FLT3: variants seen among roughly 807,000 people sequenced by gnomAD.
FLT3 encodes fms related receptor tyrosine kinase 3.
FLT3 carries 46 observed loss-of-function variants against 126.6 expected under a neutral mutation model. That is an observed-to-expected ratio of 0.36 (90% CI 0.29 to 0.46). FLT3 has a LOEUF of 0.46. Ranked by LOEUF, FLT3 falls within the 20% of genes least tolerant of loss-of-function variation. The probability of loss-of-function intolerance (pLI) is 1.00; values close to 1 mark genes in which losing one functional copy is unlikely to be tolerated. For missense variants in FLT3, 1,069 were observed against 1,190.3 expected (o/e 0.90, Z 1.50); for synonymous variants, 404 against 434.4 (o/e 0.93, Z 0.87).
In FLT3 at chr13:28,005,450, G is replaced by C. The variant is rs139594294; in HGVS notation, c.2860-1276C>G. Among the ~76,000 whole-genome samples the C allele has an allele frequency of 2.0e-5, 3 of 152,226 alleles. No individual in the cohort carries two copies. The East Asian group carries it at 5.8e-4, about 29-fold the overall frequency. Reference sequence around the variant, plus strand: ...ATATTCTATTTTGGAACCTTATTTTGAATTATCAATATATTGTTATTATAC... The same window carrying C: ...ATATTCTATTTTGGAACCTTATTTTCAATTATCAATATATTGTTATTATAC... On this transcript the variant is annotated intron_variant, in intron 23 of 23. Coordinates refer to ENST00000241453, the MANE Select transcript of FLT3 (RefSeq NM_004119.3).
intron 3 of FLT3, among the ~76,000 whole-genome samples, 185 bp from the exon 4 acceptor site, chr13:28,057,647 T>C (rs918341545): frequency 6.6e-6 from 1 of 152,126 alleles, no homozygotes; most frequent in Admixed American, 6.5e-5. Flanking sequence ...CGTTGAACCC[T>C]GACTTTTAAC....
chr13:28,100,450 G>A lies in FLT3; in HGVS notation c.43+18C>T, dbSNP rs1879757210. The A allele has an allele frequency of 8.2e-7, 1 of 1,216,922 alleles. No homozygotes were observed. The allele number at this position is 1,216,922 out of a possible 1,614,324, so 75.4% of individuals were successfully genotyped here. A position where few individuals can be genotyped will look rare whatever the true frequency, so the allele number is the denominator to read the frequency against. Reference sequence around the variant, plus strand: ...TGAGGGACCGCGAGGGGCTGCGAGCGAGCGAGCGGGGCCTTACCGAGCAGC... The same window carrying A: ...TGAGGGACCGCGAGGGGCTGCGAGCAAGCGAGCGGGGCCTTACCGAGCAGC... On this transcript the variant is annotated intron_variant, in intron 1 of 23. Transcript: ENST00000241453. This position sits in a 1 kb window ranked among gnomAD's most constrained non-coding sequence, Gnocchi z 4.8.
intron 9 of FLT3, among the ~76,000 whole-genome samples, chr13:28,039,850 A>C (rs1874187302): frequency 6.6e-6 from 1 of 151,994 alleles, no homozygotes; most frequent in Admixed American, 6.6e-5. Flanking sequence ...ACCTAGCCTT[A>C]ATTTTATTTT....
At chr13:28,078,553 C>G (rs1878110817) in intron 1 of FLT3, among the ~76,000 whole-genome samples, 1 of 152,114 alleles carries the variant, frequency 6.6e-6, no homozygotes, top group African/African-American at 2.4e-5. Flanking sequence ...CTTTTTTCTC[C>G]TGGGCCTCTG....
chr13:28,023,420 A>G lies in FLT3; in HGVS notation c.2348T>C (p.Leu783Pro). Reference protein sequence around the residue: ...RLEEEEDLNVLTFEDLLCFAY... With the variant: ...RLEEEEDLNVPTFEDLLCFAY... ...AAAGCAAAGAAGATCTTCAAATGTAAGCACATTCAAGTCCTCCTCTTCTTC... is the reference window on the plus strand; with the variant it reads ...AAAGCAAAGAAGATCTTCAAATGTAGGCACATTCAAGTCCTCCTCTTCTTC... Residue 783 changes from leucine (L) to proline (P), a missense_variant, in exon 19 of 24, where the codon CTT becomes CCT. Leu to Pro is a moderately conservative substitution (Grantham distance 98). Transcript: ENST00000241453. The G allele has an allele frequency of 1.2e-6, 2 of 1,613,776 alleles. No homozygotes were observed. Among genetic ancestry groups the G allele is most frequent in the South Asian group, 2.2e-5 (2 of 91,052 alleles).
Position 28,100,433 on chromosome 13 carries a change from C to G in FLT3, c.43+35G>C, listed in dbSNP as rs928190511. 3 of 1,212,072 alleles carry G rather than the reference C, an allele frequency of 2.5e-6. No homozygotes were observed. The highest frequency in any genetic ancestry group is 1.6e-5 in the African/African-American group (1 of 63,526). 75.1% of individuals were successfully genotyped at this position (1,212,072 alleles called of 1,614,324 possible). A position where few individuals can be genotyped will look rare whatever the true frequency, so the allele number is the denominator to read the frequency against. On this transcript the variant is annotated intron_variant, in intron 1 of 23. Coordinates refer to ENST00000241453, the MANE Select transcript of FLT3 (RefSeq NM_004119.3). This position sits in a 1 kb window ranked among gnomAD's most constrained non-coding sequence, Gnocchi z 4.8. ...CACTGCGGGGTGGGGGCTGAGGGACCGCGAGGGGCTGCGAGCGAGCGAGCG... is the reference window on the plus strand; with the variant it reads ...CACTGCGGGGTGGGGGCTGAGGGACGGCGAGGGGCTGCGAGCGAGCGAGCG...
intron 1 of FLT3, among the ~76,000 whole-genome samples, chr13:28,074,532 T>C (rs9513027): frequency 0.71 from 107,763 of 152,116 alleles, 40,023 homozygotes; most frequent in East Asian, 0.95. Flanking sequence ...CCACTCGCAG[T>C]GTATGGAATT....
At chr13:28,086,377 G>A (rs543191529) in intron 1 of FLT3, among the ~76,000 whole-genome samples, 6 of 151,922 alleles carry the variant, frequency 3.9e-5, no homozygotes, top group African/African-American at 1.2e-4. Context: ...GCATATTTCC[G>A]TTTCATTTCT....
In FLT3 at chr13:28,042,146, AAATAATAATAATAATAATAAT is replaced by A. The variant is rs57260336; in HGVS notation, c.1206-4879_1206-4859del. The stretch of plus-strand genomic sequence containing the variant: ...GGGTGAGAGGGCAAGCCTCCATCCG[AAATAATAATAATAATAATAAT>A]AATAATAATAATAATAATAATAAAT... On this transcript the variant is annotated intron_variant, in intron 9 of 23. Transcript: ENST00000241453. Among the ~76,000 whole-genome samples, 1,269 of 134,744 alleles carry A rather than the reference AAATAATAATAATAATAATAAT, an allele frequency of 9.4e-3. 20 individuals carry two copies. The highest frequency in any genetic ancestry group is 0.032 in the African/African-American group (1,197 of 36,950). The allele number at this position is 134,744 out of a possible 152,430, so 88.4% of individuals were successfully genotyped here.
chr13:28,015,091 G>T lies in FLT3; in HGVS notation c.2753+66C>A, dbSNP rs1269579613. ...AAGGAGTTTGACTTTTTTTGGTCAT[G>T]CATTTGGAAGTAGACAGACTGTACC... On this transcript the variant is annotated intron_variant, in intron 22 of 23. Coordinates refer to ENST00000241453, the MANE Select transcript of FLT3 (RefSeq NM_004119.3). 6 of 976,510 alleles carry T rather than the reference G, an allele frequency of 6.1e-6. No homozygotes were observed. In the Admixed American group the frequency reaches 8.7e-5, roughly 14 times the overall value. 60.5% of individuals were successfully genotyped at this position (976,510 alleles called of 1,614,324 possible).
rs966660246 is a variant in FLT3, at chr13:28,018,730, A to G, written c.2419-141T>C. ...TTACTGGGCTGTGCCGTGAGCGGCC[A>G]TGATGATGTGCAACAAACAAAGTGA... On this transcript the variant is annotated intron_variant, in intron 19 of 23. Coordinates refer to ENST00000241453, the MANE Select transcript of FLT3 (RefSeq NM_004119.3). 1.2e-5 allele frequency: 10 copies of G among 817,432 alleles called. No homozygotes were observed. In the African/African-American group the frequency reaches 1.7e-4, roughly 14 times the overall value. 50.6% of individuals were successfully genotyped at this position (817,432 alleles called of 1,614,324 possible). A position where few individuals can be genotyped will look rare whatever the true frequency, so the allele number is the denominator to read the frequency against.
intron 1 of FLT3, among the ~76,000 whole-genome samples, chr13:28,094,882 T>C (rs1879359651): frequency 6.6e-6 from 1 of 152,176 alleles, no homozygotes; most frequent in African/African-American, 2.4e-5. Context: ...TAGTGACCAG[T>C]AGTGACTTCT....
intron 1 of FLT3, among the ~76,000 whole-genome samples, chr13:28,079,294 T>C (rs1475956740): frequency 2.0e-5 from 3 of 152,290 alleles, no homozygotes; most frequent in South Asian, 2.1e-4. Flanking sequence ...CTCCATCAGA[T>C]AGACCACCTC....
At chr13:28,091,245 G>A (rs529408308) in intron 1 of FLT3, among the ~76,000 whole-genome samples, 50 of 69,164 alleles carry the variant, frequency 7.2e-4, no homozygotes, top group Non-Finnish European at 9.9e-4. Flanking sequence ...TTTTTGAGAC[G>A]GAGTCTCGCT....
rs1250784425 is a variant in FLT3, at chr13:28,086,906, C to G, written c.43+13562G>C. 3.9e-5 allele frequency among the ~76,000 whole-genome samples: 6 copies of G among 152,148 alleles called. No homozygotes were observed. The East Asian group carries it at 1.2e-3, about 29-fold the overall frequency. On this transcript the variant is annotated intron_variant, in intron 1 of 23. Coordinates refer to ENST00000241453, the MANE Select transcript of FLT3 (RefSeq NM_004119.3). ...AAGGGATCTGCCCACCTTGGCCTCC[C>G]AAAGTGCTAGGATTGCAGGCATGAA...
intron 9 of FLT3, among the ~76,000 whole-genome samples, chr13:28,037,997 G>T (rs1874001252): frequency 6.6e-6 from 1 of 152,158 alleles, no homozygotes; most frequent in African/African-American, 2.4e-5. Context: ...CCACAAAATG[G>T]ATCCTTGGTG....
intron 1 of FLT3, among the ~76,000 whole-genome samples, chr13:28,092,374 A>G (rs1297039667): frequency 1.3e-5 from 2 of 151,242 alleles, no homozygotes; most frequent in Non-Finnish European, 2.9e-5. Context: ...TTATATTTTG[A>G]CTGTTTTTTT....
chr13:28,096,339 G>C (rs1311994469), intron 1 of FLT3, among the ~76,000 whole-genome samples: 10 of 152,088 alleles, frequency 6.6e-5, no homozygotes, highest in Non-Finnish European at 7.4e-5. Flanking sequence ...GGGTGATAGG[G>C]CCAGGTCTTG....
intron 15 of FLT3, among the ~76,000 whole-genome samples, chr13:28,031,263 T>C (rs900072208): frequency 4.7e-5 from 7 of 149,918 alleles, no homozygotes; most frequent in Non-Finnish European, 8.9e-5. Context: ...GGCAAAGGAG[T>C]GCAGGGGTAC....
Sources: allele counts gnomAD v4.1 joint callset (sites outside exome capture counted in the v4.1 genomes callset), GRCh38; gene constraint gnomAD v4.1.1; non-coding constraint Gnocchi (gnomAD v3.1); transcripts MANE v1.5; gene names NCBI Gene and HGNC (gene_info 2026-07-23, HGNC 2026-07-21).